Variants in MYCBP2 observed in about 807,000 individuals in gnomAD.
MYCBP2 encodes E3 ubiquitin-protein ligase MYCBP2.
MYCBP2 carries 120 observed loss-of-function variants against 525.3 expected under a neutral mutation model. The ratio of observed to expected loss-of-function variants is 0.23; its 90% CI spans 0.20 to 0.27. The LOEUF (loss-of-function observed/expected upper bound fraction) is 0.27, where lower values mean the gene tolerates loss of function less well. Among genes scored for constraint, MYCBP2 ranks in the 10% least tolerant of loss-of-function variants. The pLI, the probability that MYCBP2 is intolerant of heterozygous loss-of-function variation, is 1.00. For missense variants in MYCBP2, 4,149 were observed against 5,657.1 expected (o/e 0.73, Z 8.55); for synonymous variants, 1,894 against 1,955.8 (o/e 0.97, Z 0.83).
intron 19 of MYCBP2, 38 bp from the exon 20 acceptor site, chr13:77,224,570 T>C (rs375218951): frequency 1.6e-6 from 2 of 1,255,802 alleles, no homozygotes; most frequent in South Asian, 2.5e-5. Flanking sequence ...TTTCATTATA[T>C]GCATTTTACA....
chr13:77,194,321 G>A (rs938897683), intron 26 of MYCBP2, 77 bp from the exon 27 acceptor site: 6 of 1,102,430 alleles, frequency 5.4e-6, no homozygotes, highest in Non-Finnish European at 8.3e-6. Context: ...ATAATTTTGT[G>A]CATGATGAAT....
rs754197897 is a variant in MYCBP2, at chr13:77,326,778, TCGC to T, written c.-6_-4del. ...GCAGTCGCTGCGCACATCATCATCC[TCGC>T]CGCCGCCGCCGCCGCCGCCGCCTCG... is the stretch of plus-strand genomic sequence containing the variant. On this transcript the variant is annotated 5_prime_UTR_variant, in exon 1 of 83. Transcript: ENST00000544440. The surrounding 1 kb of genome is among the most constrained non-coding windows in gnomAD (Gnocchi z 4.2). 4.5e-4 allele frequency: 624 copies of T among 1,392,946 alleles called. No individual in the cohort carries two copies. Among genetic ancestry groups the T allele is most frequent in the South Asian group, 2.3e-3 (144 of 62,244 alleles). The allele number at this position is 1,392,946 out of a possible 1,614,324, so 86.3% of individuals were successfully genotyped here. A position where few individuals can be genotyped will look rare whatever the true frequency, so the allele number is the denominator to read the frequency against.
rs369345138 is a variant in MYCBP2 at position 77,224,400 on chromosome 13, A to G, written c.2939+51T>C. ...AAAGAAAGAAAAAAGAAGGAAAAGA[A>G]AACAGAAGAAAAAATAACTCTGGAT... On this transcript the variant is annotated intron_variant, in intron 20 of 82. Coordinates refer to ENST00000544440, the MANE Select transcript of MYCBP2 (RefSeq NM_015057.5). 494 of 1,143,470 alleles carry G rather than the reference A, an allele frequency of 4.3e-4. 4 individuals carry two copies. The highest frequency in any genetic ancestry group is 1.9e-4 in the Middle Eastern group (1 of 5,172). 70.8% of individuals were successfully genotyped at this position (1,143,470 alleles called of 1,614,324 possible). A position where few individuals can be genotyped will look rare whatever the true frequency, so the allele number is the denominator to read the frequency against.
chr13:77,273,850 G>T (rs946887557), intron 4 of MYCBP2, among the ~76,000 whole-genome samples, 182 bp from the exon 5 acceptor site: 1 of 151,990 alleles, frequency 6.6e-6, no homozygotes, highest in African/African-American at 2.4e-5. Flanking sequence ...TGTAACAAGG[G>T]TCTTAAAGAA....
intron 78 of MYCBP2, 124 bp from the exon 79 acceptor site, chr13:77,057,217 A>G (rs2038275397): frequency 1.6e-6 from 1 of 635,646 alleles, no homozygotes; most frequent in Non-Finnish European, 2.7e-6. Context: ...GAAATTTACT[A>G]TAATGAAAAT....
At chr13:77,230,748 G>C (rs1044573921) in intron 18 of MYCBP2, among the ~76,000 whole-genome samples, 1 of 152,228 alleles carries the variant, frequency 6.6e-6, no homozygotes. Flanking sequence ...CCATCATGCT[G>C]TGCATGGAAA....
In MYCBP2 at chr13:77,061,670, G is replaced by C. The variant is rs2039324201; in HGVS notation, c.12895C>G (p.Gln4299Glu). ...LHLHRRTKTH[Q>E]RQVFKEEEEA... Reference sequence around the variant, plus strand: ...GAGACAAAAATCTTCACCTGTCTTTGATGAGTTTTGGTTCTTCGATGAAGG... The same window carrying C: ...GAGACAAAAATCTTCACCTGTCTTTCATGAGTTTTGGTTCTTCGATGAAGG... Residue 4299 changes from glutamine (Q) to glutamate (E), a missense_variant, in exon 75 of 83, where the codon CAA becomes GAA. Gln to Glu is a conservative substitution (Grantham distance 29). Around this residue, in one of 21 missense-constraint regions of MYCBP2, gnomAD observed 220 missense variants for 396.0 expected, o/e 0.56. Transcript: ENST00000544440. The C allele has an allele frequency of 6.2e-7, 1 of 1,608,970 alleles. No homozygotes were observed. Among genetic ancestry groups the C allele is most frequent in the African/African-American group, 1.3e-5 (1 of 74,696 alleles).
chr13:77,324,548 A>C (rs1734682509), intron 1 of MYCBP2, among the ~76,000 whole-genome samples: 1 of 152,206 alleles, frequency 6.6e-6, no homozygotes, highest in South Asian at 2.1e-4. Context: ...AACTTAAATA[A>C]ACAATAATGT....
At chr13:77,065,118 G>T (rs1322610655) in intron 72 of MYCBP2, among the ~76,000 whole-genome samples, 1 of 152,060 alleles carries the variant, frequency 6.6e-6, no homozygotes, top group Non-Finnish European at 1.5e-5. Flanking sequence ...AGTATTACAG[G>T]AACCTAAAAT....
chr13:77,068,552 T>C lies in MYCBP2; in HGVS notation c.12171+13A>G, dbSNP rs561520438. On this transcript the variant is annotated intron_variant, in intron 70 of 82. Coordinates refer to ENST00000544440, the MANE Select transcript of MYCBP2 (RefSeq NM_015057.5). ...AACAAAAGCAATGGAAAGGCTGTAGTGTGATCAGTCACCTGTCTCTGGACT... is the reference window on the plus strand; with the variant it reads ...AACAAAAGCAATGGAAAGGCTGTAGCGTGATCAGTCACCTGTCTCTGGACT... The C allele has an allele frequency of 1.2e-6, 2 of 1,613,450 alleles. No homozygotes were observed. The highest frequency in any genetic ancestry group is 1.7e-6 in the Non-Finnish European group (2 of 1,179,466).
intron 14 of MYCBP2, 129 bp downstream of exon 14, chr13:77,257,542 A>C (rs1472353447): frequency 1.0e-6 from 1 of 1,004,956 alleles, no homozygotes; most frequent in East Asian, 2.8e-5. Context: ...TTTAAAAAAA[A>C]TTTAAATAGG....
intron 33 of MYCBP2, among the ~76,000 whole-genome samples, chr13:77,181,478 G>C (rs2060216700): frequency 6.6e-6 from 1 of 151,812 alleles, no homozygotes. Flanking sequence ...TAAACCGTTA[G>C]AGCAAAAAAA....
intron 1 of MYCBP2, among the ~76,000 whole-genome samples, chr13:77,319,175 G>C (rs2081305919): frequency 1.3e-5 from 2 of 152,198 alleles, no homozygotes; most frequent in South Asian, 4.1e-4. Flanking sequence ...CCCCGAACTA[G>C]GTGTTCTTGT....
chr13:77,123,708 A>G (rs1191915919), intron 54 of MYCBP2, among the ~76,000 whole-genome samples: 1 of 152,196 alleles, frequency 6.6e-6, no homozygotes, highest in Admixed American at 6.5e-5. Context: ...ATCCACTCTT[A>G]CATATTTTTT....
At chr13:77,286,755 CAAAAAAAAAAAAAAAAAAAA>C (rs869038227) in intron 3 of MYCBP2, among the ~76,000 whole-genome samples, 4 of 11,360 alleles carry the variant, frequency 3.5e-4, no homozygotes, top group Non-Finnish European at 1.4e-4. Flanking sequence ...GACTCCGTCT[CAAAAAAAAAAAAAAAAAAAA>C]AAAAAAAAAA....
At position 77,261,187 on chromosome 13, in the gene MYCBP2, T is replaced by C; in HGVS notation, c.1836A>G (p.Gly612=). Residue 612 remains glycine, a synonymous_variant, in exon 12 of 83, where the codon GGA becomes GGG. Coordinates refer to ENST00000544440, the MANE Select transcript of MYCBP2 (RefSeq NM_015057.5). ...SIFFTGSASK[G]EDGESTKSRR... ...TCAACTTACTTGATTCTCCATCTTC[T>C]CCTTTACTAGCAGATCCTGTAAAGA... The C allele has an allele frequency of 1.2e-6, 2 of 1,612,458 alleles. No individual in the cohort carries two copies. Among genetic ancestry groups the C allele is most frequent in the Non-Finnish European group, 8.5e-7 (1 of 1,178,982 alleles).
chr13:77,064,491 G>A (rs911418518), intron 73 of MYCBP2, 124 bp downstream of exon 73: 5 of 1,066,322 alleles, frequency 4.7e-6, no homozygotes, highest in Non-Finnish European at 6.5e-6. Flanking sequence ...CAATAAATAC[G>A]GTATTTGGTT....
chr13:77,160,503 C>T (rs769744656), intron 44 of MYCBP2, among the ~76,000 whole-genome samples: 1 of 152,256 alleles, frequency 6.6e-6, no homozygotes, highest in Non-Finnish European at 1.5e-5. Context: ...AAGCACTAGC[C>T]TTCACAATTA....
intron 14 of MYCBP2, among the ~76,000 whole-genome samples, chr13:77,257,463 C>T (rs2072444011): frequency 6.6e-6 from 1 of 151,958 alleles, no homozygotes; most frequent in Non-Finnish European, 1.5e-5. Context: ...ATTATTATTA[C>T]ACATTGTAGG....
Sources: allele counts gnomAD v4.1 joint callset (sites outside exome capture counted in the v4.1 genomes callset), GRCh38; gene constraint gnomAD v4.1.1; regional missense constraint gnomAD v4.1.1; non-coding constraint Gnocchi (gnomAD v3.1); transcripts MANE v1.5; gene names NCBI Gene and HGNC (gene_info 2026-07-23, HGNC 2026-07-21).